L3MBTL4: variants seen among roughly 807,000 people sequenced by gnomAD.
L3MBTL4 encodes the protein lethal(3)malignant brain tumor-like protein 4.
In L3MBTL4, 70 loss-of-function variants were observed where a neutral mutation model predicts 84.5. That is an observed-to-expected ratio of 0.83 (90% CI 0.68 to 1.01). The LOEUF is 1.01. Ranked by LOEUF, L3MBTL4 falls within the 50% of genes least tolerant of loss-of-function variation. The pLI is 0.00. For missense variants in L3MBTL4, 715 were observed against 754.8 expected (o/e 0.95, Z 0.62); for synonymous variants, 274 against 259.8 (o/e 1.05, Z -0.52).
chr18:6,286,420 C>T (rs1204728289), intron 4 of L3MBTL4, among the ~76,000 whole-genome samples: 3 of 151,650 alleles, frequency 2.0e-5, no homozygotes, highest in South Asian at 2.1e-4. Flanking sequence ...GCCGAGATCA[C>T]GCCACTGCAC....
At chr18:6,347,219 T>C (rs1316515751) in intron 1 of L3MBTL4, among the ~76,000 whole-genome samples, 1 of 152,020 alleles carries the variant, frequency 6.6e-6, no homozygotes, top group Non-Finnish European at 1.5e-5. Flanking sequence ...GTTTTAGTTA[T>C]GTAGGATAAA....
intron 1 of L3MBTL4, among the ~76,000 whole-genome samples, chr18:6,356,531 A>T (rs975743669): frequency 5.9e-5 from 9 of 152,248 alleles, no homozygotes; most frequent in African/African-American, 2.2e-4. Flanking sequence ...AGCCTACTAC[A>T]CTCAGGCTAT....
chr18:6,162,867 G>T (rs1344239580), intron 13 of L3MBTL4, among the ~76,000 whole-genome samples: 1 of 152,196 alleles, frequency 6.6e-6, no homozygotes, highest in African/African-American at 2.4e-5. Context: ...TGTTCAAGGT[G>T]CTGTGAGTAA....
chr18:6,382,617 T>G (rs1212659719), intron 1 of L3MBTL4, among the ~76,000 whole-genome samples: 1 of 152,206 alleles, frequency 6.6e-6, no homozygotes, highest in African/African-American at 2.4e-5. Flanking sequence ...CTCCAGACCC[T>G]GTTTGCCTGG....
At chr18:6,380,178 T>A (rs943866241) in intron 1 of L3MBTL4, among the ~76,000 whole-genome samples, 1 of 152,184 alleles carries the variant, frequency 6.6e-6, no homozygotes, top group Non-Finnish European at 1.5e-5. Context: ...CTATATCATT[T>A]TTATTGTGTC....
chr18:6,060,015 C>T (rs2057153585), intron 16 of L3MBTL4, among the ~76,000 whole-genome samples: 1 of 152,162 alleles, frequency 6.6e-6, no homozygotes, highest in African/African-American at 2.4e-5. Flanking sequence ...TAGTAGAGTG[C>T]TGCAGGAGAG....
At chr18:6,285,465 AT>A (rs2146632988) in intron 4 of L3MBTL4, among the ~76,000 whole-genome samples, 1 of 150,668 alleles carries the variant, frequency 6.6e-6, no homozygotes, top group Non-Finnish European at 1.5e-5. Flanking sequence ...ATGCACCTAT[AT>A]TAAAATAGTG....
At chr18:6,356,933 G>A (rs938506616) in intron 1 of L3MBTL4, 1 of 152,168 alleles carries the variant, frequency 6.6e-6, no homozygotes, top group Non-Finnish European at 1.5e-5. Context: ...ACAAACACAT[G>A]AGTAATGCAA....
chr18:6,149,737 A>G (rs1309213433), intron 13 of L3MBTL4, among the ~76,000 whole-genome samples: 2 of 152,156 alleles, frequency 1.3e-5, no homozygotes, highest in Non-Finnish European at 2.9e-5. Context: ...AACCTCCTTT[A>G]GCCTTTTATG....
At chr18:6,346,470 A>G (rs2052911819) in intron 1 of L3MBTL4, among the ~76,000 whole-genome samples, 1 of 152,080 alleles carries the variant, frequency 6.6e-6, no homozygotes, top group Non-Finnish European at 1.5e-5. Flanking sequence ...TACAAAATAT[A>G]TAAGCAACTC....
intron 17 of L3MBTL4, among the ~76,000 whole-genome samples, chr18:5,967,339 A>C (rs1899318162): frequency 1.3e-5 from 2 of 152,210 alleles, no homozygotes; most frequent in South Asian, 2.1e-4. Context: ...AAAATGGGAA[A>C]GTGAGTATCC....
chr18:6,374,646 T>G (rs948464151), intron 1 of L3MBTL4, among the ~76,000 whole-genome samples: 1 of 152,168 alleles, frequency 6.6e-6, no homozygotes, highest in Non-Finnish European at 1.5e-5. Flanking sequence ...GGAGCCTGCG[T>G]GCTGTTCTCA....
chr18:6,373,117 G>A (rs2054224648), intron 1 of L3MBTL4, among the ~76,000 whole-genome samples: 1 of 151,978 alleles, frequency 6.6e-6, no homozygotes, highest in Non-Finnish European at 1.5e-5. Context: ...CAATATTCTG[G>A]GGAAAAAAAT....
At chr18:6,408,345 A>G (rs1299309779) in intron 1 of L3MBTL4, among the ~76,000 whole-genome samples, 1 of 152,228 alleles carries the variant, frequency 6.6e-6, no homozygotes, top group Non-Finnish European at 1.5e-5. Context: ...AGTAGAGTAC[A>G]TCCAGCTAAT....
At chr18:6,031,458 T>C in intron 16 of L3MBTL4, 1 of 985,472 alleles carries the variant, frequency 1.0e-6, no homozygotes, top group African/African-American at 1.7e-5. Context: ...TCTTTGCCTC[T>C]TGAGAAATTC....
At chr18:6,134,590 G>T (rs2059975572) in intron 14 of L3MBTL4, among the ~76,000 whole-genome samples, 2 of 152,228 alleles carry the variant, frequency 1.3e-5, no homozygotes, top group Middle Eastern at 3.4e-3. Flanking sequence ...AAAACAAAGG[G>T]GTTACAGGGC....
chr18:6,277,100 C>T (rs2049113166), intron 4 of L3MBTL4, among the ~76,000 whole-genome samples: 1 of 129,504 alleles, frequency 7.7e-6, no homozygotes, highest in Non-Finnish European at 1.5e-5. Flanking sequence ...AAAATATTCT[C>T]ATAAGGAAGG....
chr18:6,005,977 G>T (rs1480680585), intron 16 of L3MBTL4, among the ~76,000 whole-genome samples: 1 of 150,960 alleles, frequency 6.6e-6, no homozygotes, highest in Non-Finnish European at 1.5e-5. Context: ...CATTTGAAAT[G>T]GTAAATTTTA....
chr18:5,960,612 G>A (rs2095258761), intron 17 of L3MBTL4: 1 of 152,404 alleles, frequency 6.6e-6, no homozygotes, highest in African/African-American at 2.4e-5. Context: ...CTTACCTGGA[G>A]CATGGTGAAT....
Sources: allele counts gnomAD v4.1 joint callset (sites outside exome capture counted in the v4.1 genomes callset), GRCh38; gene constraint gnomAD v4.1.1; transcripts MANE v1.5; gene names NCBI Gene and HGNC (gene_info 2026-07-23, HGNC 2026-07-21).